The following SRBD1 variants were observed in gnomAD, a reference collection of about 807,000 sequenced individuals.
SRBD1 encodes the protein S1 RNA-binding domain-containing protein 1.
A neutral mutation model predicts 115.3 loss-of-function variants in SRBD1; 88 were observed. The observed-to-expected ratio is 0.76, with a 90% CI of 0.64 to 0.91. SRBD1 has a LOEUF of 0.91. Among genes scored for constraint, SRBD1 ranks in the 40% least tolerant of loss-of-function variants. The probability of loss-of-function intolerance (pLI) is 0.00; values close to 1 mark genes in which losing one functional copy is unlikely to be tolerated. For synonymous variants in SRBD1, 509 were observed against 407.7 expected (o/e 1.25, Z -2.99); for missense variants, 1,385 against 1,177.4 (o/e 1.18, Z -2.58).
rs1667742417 is a variant in SRBD1 at position 45,414,777 on chromosome 2, C to CACACACACACAGTGTGTATATAGTATGT, written c.2334-1485_2334-1484insACATACTATATACACACTGTGTGTGTGT. Among the ~76,000 whole-genome samples the CACACACACACAGTGTGTATATAGTATGT allele has an allele frequency of 2.4e-4, 19 of 78,750 alleles. 1 individual carries two copies. Among genetic ancestry groups the CACACACACACAGTGTGTATATAGTATGT allele is most frequent in the South Asian group, 1.1e-3 (3 of 2,828 alleles). 51.7% of individuals were successfully genotyped at this position (78,750 alleles called of 152,430 possible). ...ACACACAGTGTGTATATAGTATGTA[C>CACACACACACAGTGTGTATATAGTATGT]ACACACACATAGTGTGTATATAGTA... is the stretch of plus-strand genomic sequence containing the variant. On this transcript the variant is annotated intron_variant, in intron 18 of 20. Transcript: ENST00000263736.
chr2:45,586,894 A>G (rs955913349), intron 4 of SRBD1, among the ~76,000 whole-genome samples: 2 of 84,648 alleles, frequency 2.4e-5, no homozygotes, highest in African/African-American at 5.2e-5. Flanking sequence ...TTTATTTAAA[A>G]TCATTGGTAT....
At chr2:45,557,568 T>C (rs1343957046) in intron 10 of SRBD1, among the ~76,000 whole-genome samples, 2 of 152,218 alleles carry the variant, frequency 1.3e-5, no homozygotes, top group African/African-American at 2.4e-5. Flanking sequence ...AGTTGAACTT[T>C]AGACCACTAG....
intron 11 of SRBD1, among the ~76,000 whole-genome samples, chr2:45,552,814 T>G (rs1417615831): frequency 6.6e-6 from 1 of 152,180 alleles, no homozygotes; most frequent in Non-Finnish European, 1.5e-5. Flanking sequence ...TTTTTAATAG[T>G]ACCTGCTCAC....
At chr2:45,480,854 C>G (rs533288444) in intron 15 of SRBD1, among the ~76,000 whole-genome samples, 10 of 152,210 alleles carry the variant, frequency 6.6e-5, no homozygotes, top group Admixed American at 3.9e-4. Context: ...ATATGGACTT[C>G]AATTTTAAAT....
chr2:45,586,710 ATT>A (rs747668841), intron 4 of SRBD1, among the ~76,000 whole-genome samples: 1 of 145,180 alleles, frequency 6.9e-6, no homozygotes. Context: ...CACCTGGCTA[ATT>A]TTTTTTTTTT....
intron 16 of SRBD1, among the ~76,000 whole-genome samples, chr2:45,421,159 G>A (rs1443591511): frequency 6.6e-6 from 1 of 152,150 alleles, no homozygotes; most frequent in Non-Finnish European, 1.5e-5. Flanking sequence ...AGGGACAACA[G>A]CAACTGTAGG....
intron 16 of SRBD1, among the ~76,000 whole-genome samples, chr2:45,446,769 A>G (rs935322902): frequency 3.4e-4 from 52 of 152,086 alleles, no homozygotes; most frequent in African/African-American, 1.2e-3. Context: ...TTAAAAACAT[A>G]GGTCGCTCTC....
At chr2:45,482,373 C>T (rs1030366109) in intron 15 of SRBD1, among the ~76,000 whole-genome samples, 1 of 151,930 alleles carries the variant, frequency 6.6e-6, no homozygotes, top group African/African-American at 2.4e-5. Flanking sequence ...TAATAAGGTT[C>T]CAATTAGTTG....
intron 9 of SRBD1, among the ~76,000 whole-genome samples, chr2:45,571,187 T>A (rs35884717): frequency 0.58 from 87,846 of 151,698 alleles, 27,035 homozygotes; most frequent in Non-Finnish European, 0.71. Flanking sequence ...CACTAAGTGT[T>A]GAAGGAGTGC....
intron 4 of SRBD1, 130 bp downstream of exon 4, chr2:45,599,319 C>G (rs1217039363): frequency 1.6e-5 from 21 of 1,322,080 alleles, no homozygotes; most frequent in Non-Finnish European, 9.3e-6. Context: ...GGAAAGCCTC[C>G]AGAAATCACT....
At chr2:45,490,836 C>A (rs1181046724) in intron 14 of SRBD1, among the ~76,000 whole-genome samples, 1 of 152,150 alleles carries the variant, frequency 6.6e-6, no homozygotes, top group East Asian at 1.9e-4. Context: ...AGATGTGACA[C>A]ATTGCACCCA....
intron 16 of SRBD1, among the ~76,000 whole-genome samples, chr2:45,424,412 C>T (rs985300639): frequency 1.3e-5 from 2 of 151,984 alleles, no homozygotes; most frequent in African/African-American, 4.8e-5. Context: ...TTAATCTTGA[C>T]CCAAAATTTG....
intron 6 of SRBD1, among the ~76,000 whole-genome samples, chr2:45,580,447 G>C (rs1186620625): frequency 1.3e-5 from 2 of 150,666 alleles, no homozygotes; most frequent in African/African-American, 4.9e-5. Flanking sequence ...CCAGGTTTAA[G>C]TGATTCTCTT....
chr2:45,402,945 C>CT (rs1251325353), intron 19 of SRBD1, among the ~76,000 whole-genome samples: 4 of 152,118 alleles, frequency 2.6e-5, no homozygotes, highest in African/African-American at 7.2e-5. Context: ...AGAATAACCC[C>CT]TAAATAGGCT....
chr2:45,449,395 T>A (rs948798131), intron 16 of SRBD1, among the ~76,000 whole-genome samples: 2 of 152,210 alleles, frequency 1.3e-5, no homozygotes, highest in Non-Finnish European at 2.9e-5. Context: ...CATATTAAGA[T>A]TCTAAAATCG....
At chr2:45,564,453 T>A (rs1462201205) in intron 9 of SRBD1, among the ~76,000 whole-genome samples, 2 of 152,194 alleles carry the variant, frequency 1.3e-5, no homozygotes, top group Non-Finnish European at 2.9e-5. Flanking sequence ...GAAAGGAAGA[T>A]GTAAAACTTT....
chr2:45,551,417 A>G, intron 11 of SRBD1, 135 bp from the exon 12 acceptor site: 5 of 900,440 alleles, frequency 5.6e-6, no homozygotes, highest in African/African-American at 1.7e-5. Context: ...AGAAAAATAT[A>G]CAAAAATTAT....
chr2:45,602,171 A>T, intron 2 of SRBD1, 88 bp from the exon 3 acceptor site: 1 of 1,423,388 alleles, frequency 7.0e-7, no homozygotes, highest in Non-Finnish European at 9.5e-7. Context: ...TGAAAAAATG[A>T]TAAAGTAGGA....
intron 5 of SRBD1, among the ~76,000 whole-genome samples, chr2:45,584,413 G>A (rs1193962202): frequency 6.6e-6 from 1 of 152,162 alleles, no homozygotes; most frequent in African/African-American, 2.4e-5. Flanking sequence ...AATTGATTCT[G>A]CCTCTCAATG....
Sources: allele counts gnomAD v4.1 joint callset (sites outside exome capture counted in the v4.1 genomes callset), GRCh38; gene constraint gnomAD v4.1.1; transcripts MANE v1.5; gene names NCBI Gene and HGNC (gene_info 2026-07-23, HGNC 2026-07-21).